IRAG2: variants seen among roughly 807,000 people sequenced by gnomAD.
IRAG2 encodes inositol 1,4,5-triphosphate receptor associated 2, also known as lymphoid restricted membrane protein.
A neutral mutation model predicts 69.9 loss-of-function variants in IRAG2; 45 were observed. The ratio of observed to expected loss-of-function variants is 0.64; its 90% CI spans 0.51 to 0.83. The LOEUF (loss-of-function observed/expected upper bound fraction) is 0.83, where lower values mean the gene tolerates loss of function less well. Among genes scored for constraint, IRAG2 ranks in the 40% least tolerant of loss-of-function variants. IRAG2 has a pLI of 0.00. For missense variants in IRAG2, 520 were observed against 587.0 expected, an observed-to-expected ratio of 0.89 and a Z score of 1.18; for synonymous variants, 193 against 202.4, an observed-to-expected ratio of 0.95 and a Z score of 0.40.
chr12:25,033,538 G>C (rs1591932493), intron 12 of IRAG2, among the ~76,000 whole-genome samples: 1 of 152,280 alleles, frequency 6.6e-6, no homozygotes, highest in East Asian at 1.9e-4. Flanking sequence ...ACCTAATCTG[G>C]CCACATCTTC....
At chr12:25,015,471 T>C in intron 5 of IRAG2, 1 of 1,138,342 alleles carries the variant, frequency 8.8e-7, no homozygotes, top group Non-Finnish European at 1.1e-6. Flanking sequence ...TCAACTTCAT[T>C]TTTCTTGTTT....
chr12:25,054,117 A>G (rs1945062798), intron 1 of IRAG2, among the ~76,000 whole-genome samples: 1 of 152,200 alleles, frequency 6.6e-6, no homozygotes, highest in African/African-American at 2.4e-5. Context: ...AGCAGTGGTT[A>G]TTCAACATAT....
intron 16 of IRAG2, among the ~76,000 whole-genome samples, chr12:25,101,752 T>G (rs755767393): frequency 1.3e-5 from 2 of 152,164 alleles, no homozygotes; most frequent in East Asian, 3.8e-4. Flanking sequence ...AACTGGAAAA[T>G]AGAGAAACAT....
chr12:25,032,470 C>T lies in IRAG2; in HGVS notation c.1643+101C>T, dbSNP rs944459337. The T allele has an allele frequency of 8.3e-5, 33 of 397,900 alleles. No individual in the cohort carries two copies. In the Middle Eastern group the frequency reaches 1.9e-3, roughly 22 times the overall value. 24.6% of individuals were successfully genotyped at this position (397,900 alleles called of 1,614,324 possible). On this transcript the variant is annotated intron_variant, in intron 12 of 38. Transcript: ENST00000636465. ...ATGTGCCACATTCTTTTCTTCTATACGTTTGTATGTGATATTTTCTCTATT... is the reference window on the plus strand; with the variant it reads ...ATGTGCCACATTCTTTTCTTCTATATGTTTGTATGTGATATTTTCTCTATT...
intron 10 of IRAG2, chr12:25,031,253 C>T (rs16928354): frequency 0.022 from 3,692 of 164,960 alleles, 54 homozygotes; most frequent in East Asian, 0.085. Flanking sequence ...AATGATATTG[C>T]GATAGTAGTG....
In IRAG2 at chr12:25,106,285, ACACACG is replaced by A. The variant is rs1949101981; in HGVS notation, c.1149-652_1149-647del. Among the ~76,000 whole-genome samples, 4 of 150,340 alleles carry A rather than the reference ACACACG, an allele frequency of 2.7e-5. No homozygotes were observed. In the East Asian group the frequency reaches 7.8e-4, roughly 29 times the overall value. On this transcript the variant is annotated intron_variant, in intron 20 of 21. Coordinates refer to ENST00000556887, the MANE Select transcript of IRAG2 (RefSeq NM_001366544.2). The stretch of plus-strand genomic sequence containing the variant: ...ACATTTGTTTTATATATACACATAC[ACACACG>A]CACACACAGGTATATGTACACATCC...
In IRAG2 at chr12:25,102,253, T is replaced by A. The variant is rs1308909231; in HGVS notation, c.933+12T>A. On this transcript the variant is annotated intron_variant, in intron 17 of 21. Transcript: ENST00000556887. ...CTCTAAACTCCAAGGTAATTACTAA[T>A]TCACTTAACAAATGTCTAGCAAATA... 1 of 1,606,800 alleles carries A rather than the reference T, an allele frequency of 6.2e-7. No individual in the cohort carries two copies. Among genetic ancestry groups the A allele is most frequent in the African/African-American group, 1.3e-5 (1 of 74,882 alleles).
upstream of IRAG2, among the ~76,000 whole-genome samples, chr12:25,050,544 C>A (rs139200663): frequency 0.084 from 1,099 of 13,150 alleles, 329 homozygotes; most frequent in South Asian, 0.22. Flanking sequence ...AACAAACAAA[C>A]AAACAAACAA....
chr12:25,102,486 G>T, intron 17 of IRAG2: 1 of 474,484 alleles, frequency 2.1e-6, no homozygotes, highest in Non-Finnish European at 3.8e-6. Flanking sequence ...AACTGAAGTT[G>T]GAAGTGGGTA....
chr12:25,055,799 A>T (rs555894820), intron 1 of IRAG2, among the ~76,000 whole-genome samples: 2 of 152,224 alleles, frequency 1.3e-5, no homozygotes, highest in African/African-American at 4.8e-5. Flanking sequence ...CTAAAAAGGA[A>T]ATTTTTAAAA....
chr12:25,097,175 AT>A, intron 15 of IRAG2, 131 bp downstream of exon 15: 7 of 760,520 alleles, frequency 9.2e-6, no homozygotes, highest in African/African-American at 1.8e-5. Flanking sequence ...TATGCGTTTA[AT>A]ACATATGTGT....
chr12:25,107,437 G>T (rs1330884804), intron 21 of IRAG2, among the ~76,000 whole-genome samples: 2 of 152,122 alleles, frequency 1.3e-5, no homozygotes, highest in Admixed American at 1.3e-4. Flanking sequence ...CAAGAATAAA[G>T]GGGGACTACT....
chr12:25,015,150 G>GTTTTTT lies in IRAG2; in HGVS notation c.897-28_897-27insTTTTTT, dbSNP rs1436751678. 4.1e-4 allele frequency: 380 copies of GTTTTTT among 933,238 alleles called. 6 individuals are homozygous for GTTTTTT. The African/African-American group carries it at 6.4e-3, about 16-fold the overall frequency. The allele number at this position is 933,238 out of a possible 1,614,324, so 57.8% of individuals were successfully genotyped here. On this transcript the variant is annotated intron_variant, in intron 3 of 38. Transcript: ENST00000636465. ...TCAGGCAAAGAATCCTAGCTCACTGGTTTTGTTTTTTTTTTTTTTTTTTGG... is the reference window on the plus strand; with the variant it reads ...TCAGGCAAAGAATCCTAGCTCACTGGTTTTTTTTTTGTTTTTTTTTTTTTTTTTTGG...
Position 25,017,319 on chromosome 12 carries a change from G to A in IRAG2, c.1214+27G>A, listed in dbSNP as rs563253387. 8.0e-5 allele frequency: 99 copies of A among 1,231,582 alleles called. No homozygotes were observed. In the African/African-American group the frequency reaches 1.2e-3, roughly 15 times the overall value. The allele number at this position is 1,231,582 out of a possible 1,614,324, so 76.3% of individuals were successfully genotyped here. A position where few individuals can be genotyped will look rare whatever the true frequency, so the allele number is the denominator to read the frequency against. ...TGAGCCACAGTGGGGTCCAGTGTGC[G>A]GGGAACTTTCATTTCTTTTTTCTTT... is the stretch of plus-strand genomic sequence containing the variant. On this transcript the variant is annotated intron_variant, in intron 6 of 38. Coordinates refer to the IRAG2 transcript ENST00000636465.
chr12:25,004,005 C>T (rs1335185897), upstream of IRAG2, among the ~76,000 whole-genome samples: 10 of 152,152 alleles, frequency 6.6e-5, no homozygotes, highest in Admixed American at 6.5e-4. Context: ...TATTCTCTTT[C>T]TGTCAGAGAA....
rs1366137453 is a variant in IRAG2 at position 25,077,308 on chromosome 12, G to GAA, written c.25-1935_25-1934insAA. On this transcript the variant is annotated intron_variant, in intron 6 of 21. Coordinates refer to ENST00000556887, the MANE Select transcript of IRAG2 (RefSeq NM_001366544.2). ...TATGATATATATATGAAATATATATGATATATATGATATATATATGATATA... is the reference window on the plus strand; with the variant it reads ...TATGATATATATATGAAATATATATGAAATATATATGATATATATATGATATA... 4.4e-3 allele frequency among the ~76,000 whole-genome samples: 78 copies of GAA among 17,656 alleles called. 6 individuals are homozygous for GAA. Among genetic ancestry groups the GAA allele is most frequent in the Non-Finnish European group, 7.6e-3 (64 of 8,454 alleles). 11.6% of individuals were successfully genotyped at this position (17,656 alleles called of 152,430 possible).
At chr12:25,064,856 G>A (rs1364452574) in intron 4 of IRAG2, among the ~76,000 whole-genome samples, 10 of 152,168 alleles carry the variant, frequency 6.6e-5, no homozygotes, top group Non-Finnish European at 1.0e-4. Context: ...TTGGGAGGCC[G>A]AGGTGGGCGG....
chr12:25,035,746 G>T (rs1016731346), exon 14 of IRAG2: 2 of 398,874 alleles, frequency 5.0e-6, no homozygotes, highest in South Asian at 1.3e-4. Flanking sequence ...AAGAGAGCCC[G>T]CACAGAAGGC....
chr12:25,017,226 A>C (rs1044490211), exon 6 of IRAG2: 45 of 1,232,190 alleles, frequency 3.7e-5, no homozygotes, highest in Non-Finnish European at 4.3e-5. Flanking sequence ...TTGGCTTTAG[A>C]AACCCTGGAA....
Sources: allele counts gnomAD v4.1 joint callset (sites outside exome capture counted in the v4.1 genomes callset), GRCh38; gene constraint gnomAD v4.1.1; transcripts MANE v1.5; gene names NCBI Gene and HGNC (gene_info 2026-07-23, HGNC 2026-07-21).